KAZN: variants seen among roughly 807,000 people sequenced by gnomAD.
The protein encoded by KAZN is kazrin, periplakin interacting protein, also known as kazrin.
Under a neutral mutation model 87.4 loss-of-function variants are expected in KAZN, and 40 were observed. The observed-to-expected ratio is 0.46, with a 90% CI of 0.36 to 0.60. KAZN has a LOEUF of 0.60. KAZN is among the 20% of genes least tolerant of loss of function. The pLI, the probability that KAZN is intolerant of heterozygous loss-of-function variation, is 0.00. For missense variants in KAZN, 898 were observed against 1,073.9 expected (o/e 0.84, Z 2.29); for synonymous variants, 466 against 458.3 (o/e 1.02, Z -0.22).
Position 14,708,392 on chromosome 1 carries a change from C to T in KAZN, c.226+109169C>T, listed in dbSNP as rs115858708. Among the ~76,000 whole-genome samples the T allele has an allele frequency of 3.8e-3, 573 of 152,220 alleles. 3 individuals carry two copies. Among genetic ancestry groups the T allele is most frequent in the Non-Finnish European group, 6.6e-3 (448 of 67,988 alleles). On this transcript the variant is annotated intron_variant, in intron 1 of 14. Transcript: ENST00000376030. ...CAGATGCTAATCCTCGCCAAGGAGC[C>T]GATTTAAATCCCAGTCTCTTCAGCA... is the stretch of plus-strand genomic sequence containing the variant.
intron 1 of KAZN, among the ~76,000 whole-genome samples, chr1:14,151,185 G>A (rs1645466532): frequency 7.2e-6 from 1 of 139,860 alleles, no homozygotes; most frequent in Non-Finnish European, 1.6e-5. Context: ...TACTAATTCT[G>A]TTTCCAGATT....
chr1:14,370,857 G>C (rs1296719298), intron 2 of KAZN, among the ~76,000 whole-genome samples: 1 of 152,054 alleles, frequency 6.6e-6, no homozygotes, highest in Non-Finnish European at 1.5e-5. Context: ...GCTAATTTTT[G>C]TATTTTTAGT....
intron 2 of KAZN, among the ~76,000 whole-genome samples, chr1:14,277,279 G>A (rs1011043031): frequency 6.6e-6 from 1 of 152,124 alleles, no homozygotes; most frequent in Non-Finnish European, 1.5e-5. Flanking sequence ...AAATATATCT[G>A]TATGTATCTC....
At chr1:14,478,268 A>C (rs1468820970) in intron 2 of KAZN, among the ~76,000 whole-genome samples, 1 of 140,016 alleles carries the variant, frequency 7.1e-6, no homozygotes, top group Non-Finnish European at 1.6e-5. Context: ...GAAGGAAGGA[A>C]GGAAGAAAGG....
At chr1:14,886,684 C>T (rs903811120) in intron 1 of KAZN, among the ~76,000 whole-genome samples, 6 of 151,620 alleles carry the variant, frequency 4.0e-5, no homozygotes, top group South Asian at 2.1e-4. Context: ...CCAGCTACTC[C>T]GGAGGCTGAG....
chr1:14,205,907 G>T lies in KAZN; in HGVS notation c.249+25315G>T, dbSNP rs1190937029. 7.4e-4 allele frequency among the ~76,000 whole-genome samples: 6 copies of T among 8,104 alleles called. 1 individual carries two copies. The highest frequency in any genetic ancestry group is 1.3e-3 in the Non-Finnish European group (6 of 4,502). 5.3% of individuals were successfully genotyped at this position (8,104 alleles called of 152,430 possible). A position where few individuals can be genotyped will look rare whatever the true frequency, so the allele number is the denominator to read the frequency against. On this transcript the variant is annotated intron_variant, in intron 2 of 16. Coordinates refer to the KAZN transcript ENST00000636203. ...CTCAAAAAAAAAAAAAAAAAAAAAA[G>T]CTACCTAATGTTAAATGACGAGTTT...
intron 4 of KAZN, among the ~76,000 whole-genome samples, chr1:15,051,657 A>G (rs948724915): frequency 2.6e-5 from 4 of 152,204 alleles, no homozygotes; most frequent in African/African-American, 9.6e-5. Context: ...AGGCACGGAG[A>G]GGTGTGGAGC....
chr1:14,389,698 G>C (rs2101084012), intron 2 of KAZN, among the ~76,000 whole-genome samples: 1 of 152,274 alleles, frequency 6.6e-6, no homozygotes, highest in African/African-American at 2.4e-5. Context: ...GTTACCAGAG[G>C]CTGGGAAGGG....
intron 1 of KAZN, among the ~76,000 whole-genome samples, chr1:13,980,888 T>G (rs893440967): frequency 5.3e-5 from 8 of 151,580 alleles, no homozygotes; most frequent in Non-Finnish European, 1.5e-5. Context: ...TATGTTGTCT[T>G]TCTGGATGGT....
chr1:14,982,077 A>G (rs1358675895), intron 2 of KAZN, among the ~76,000 whole-genome samples: 1 of 152,178 alleles, frequency 6.6e-6, no homozygotes, highest in East Asian at 1.9e-4. Context: ...ACGTGGTCCC[A>G]TTTGATCCTC....
At chr1:14,355,277 G>C (rs867013674) in intron 2 of KAZN, among the ~76,000 whole-genome samples, 16 of 152,218 alleles carry the variant, frequency 1.1e-4, no homozygotes, top group African/African-American at 3.9e-4. Flanking sequence ...TGTCAAAATA[G>C]CTCAAACTAT....
At chr1:14,513,275 C>A (rs1191043757) in intron 2 of KAZN, among the ~76,000 whole-genome samples, 1 of 152,200 alleles carries the variant, frequency 6.6e-6, no homozygotes, top group Non-Finnish European at 1.5e-5. Context: ...TCTCCTCCAG[C>A]CTTTGGGAGG....
intron 1 of KAZN, among the ~76,000 whole-genome samples, chr1:14,783,650 T>G (rs1645420295): frequency 6.6e-6 from 1 of 152,140 alleles, no homozygotes; most frequent in Non-Finnish European, 1.5e-5. Flanking sequence ...CATCTGGGTA[T>G]GGAGGGAAGA....
intron 2 of KAZN, among the ~76,000 whole-genome samples, chr1:14,973,230 A>G (rs1315972820): frequency 6.6e-6 from 1 of 152,224 alleles, no homozygotes; most frequent in Non-Finnish European, 1.5e-5. Flanking sequence ...TCATTCATTC[A>G]GCAGATACTT....
chr1:14,693,759 G>A (rs1466729668), intron 1 of KAZN, among the ~76,000 whole-genome samples: 1 of 152,196 alleles, frequency 6.6e-6, no homozygotes, highest in Non-Finnish European at 1.5e-5. Flanking sequence ...AGGCGAGTCT[G>A]GAAGTATGTT....
intron 2 of KAZN, among the ~76,000 whole-genome samples, chr1:14,237,087 A>G (rs1044180136): frequency 6.6e-6 from 1 of 152,150 alleles, no homozygotes; most frequent in Non-Finnish European, 1.5e-5. Flanking sequence ...GTTTTGCAAC[A>G]TTGTCCTCAC....
chr1:14,583,452 A>G (rs1447821235), intron 2 of KAZN, among the ~76,000 whole-genome samples: 1 of 152,234 alleles, frequency 6.6e-6, no homozygotes, highest in Non-Finnish European at 1.5e-5. Flanking sequence ...GGAGTGAGGA[A>G]GTCAGGATTA....
At chr1:14,672,807 A>G (rs1294728554) in intron 1 of KAZN, among the ~76,000 whole-genome samples, 1 of 152,170 alleles carries the variant, frequency 6.6e-6, no homozygotes, top group Non-Finnish European at 1.5e-5. Flanking sequence ...CCCTGACACC[A>G]TACACCAACA....
chr1:15,074,257 C>T (rs943338135), intron 8 of KAZN, among the ~76,000 whole-genome samples: 3 of 152,262 alleles, frequency 2.0e-5, no homozygotes, highest in African/African-American at 7.2e-5. Context: ...TGCCATCCGC[C>T]TCCCTGCCCT....
Sources: gnomAD v4.1 joint callset for allele counts (sites outside exome capture counted in the v4.1 genomes callset) on GRCh38, gnomAD v4.1.1 for gene constraint, MANE v1.5 for transcripts, NCBI Gene and HGNC (gene_info 2026-07-23, HGNC 2026-07-21) for gene names.